Variants in ADAMTS9 observed in about 807,000 individuals in gnomAD.
ADAMTS9 encodes ADAM metallopeptidase with thrombospondin type 1 motif 9, also known as A disintegrin and metalloproteinase with thrombospondin motifs 9.
ADAMTS9 carries 107 observed loss-of-function variants against 257.1 expected under a neutral mutation model. That is an observed-to-expected ratio of 0.42 (90% CI 0.36 to 0.49). The LOEUF (loss-of-function observed/expected upper bound fraction) is 0.49, where lower values mean the gene tolerates loss of function less well. Ranked by LOEUF, ADAMTS9 falls within the 20% of genes least tolerant of loss-of-function variation. ADAMTS9 has a pLI of 0.03. For missense variants in ADAMTS9, 2,353 were observed against 2,469.1 expected (o/e 0.95, Z 1.00); for synonymous variants, 982 against 880.9 (o/e 1.11, Z -2.03).
intron 37 of ADAMTS9, among the ~76,000 whole-genome samples, chr3:64,538,812 T>C (rs910285152): frequency 2.0e-5 from 3 of 152,098 alleles, no homozygotes; most frequent in Non-Finnish European, 2.9e-5. Flanking sequence ...AATTGACAAA[T>C]GTTACAAAGC....
intron 18 of ADAMTS9, among the ~76,000 whole-genome samples, chr3:64,621,785 T>TA (rs201458197): frequency 0.053 from 6,438 of 120,776 alleles, 502 homozygotes; most frequent in African/African-American, 0.21. Flanking sequence ...AATAAAAAAA[T>TA]AAAAAAATAA....
intron 18 of ADAMTS9, 32 bp from the exon 19 acceptor site, chr3:64,621,272 G>T: frequency 6.3e-7 from 1 of 1,592,396 alleles, no homozygotes; most frequent in Middle Eastern, 1.8e-4. Context: ...ATTATTCAGG[G>T]AAAATAATCT....
chr3:64,597,584 G>GT (rs1356889318), intron 26 of ADAMTS9, among the ~76,000 whole-genome samples: 2 of 152,138 alleles, frequency 1.3e-5, no homozygotes, highest in African/African-American at 4.8e-5. Flanking sequence ...GCTAATGGTA[G>GT]TAAGACTTGT....
intron 20 of ADAMTS9, 63 bp from the exon 21 acceptor site, chr3:64,615,548 C>T: frequency 6.7e-7 from 1 of 1,501,284 alleles, no homozygotes; most frequent in Non-Finnish European, 9.0e-7. Context: ...TGCTGAAGAT[C>T]CTGGCTATGT....
intron 39 of ADAMTS9, among the ~76,000 whole-genome samples, chr3:64,517,416 G>GTTTTGTTTTTTTTTTTTTTT (rs2082789292): frequency 1.9e-5 from 1 of 52,638 alleles, no homozygotes; most frequent in African/African-American, 5.3e-5. Flanking sequence ...ATTAAAAATG[G>GTTTTGTTTTTTTTTTTTTTT]TTTTTTTTTT....
intron 31 of ADAMTS9, among the ~76,000 whole-genome samples, chr3:64,548,497 C>T (rs2083229977): frequency 6.6e-6 from 1 of 152,064 alleles, no homozygotes; most frequent in African/African-American, 2.4e-5. Flanking sequence ...GACAACAGTC[C>T]ATACTAACTT....
chr3:64,591,697 C>T (rs2084261594), intron 28 of ADAMTS9, among the ~76,000 whole-genome samples: 1 of 152,090 alleles, frequency 6.6e-6, no homozygotes, highest in Non-Finnish European at 1.5e-5. Context: ...CTAAATACTG[C>T]TCTTTAGTAA....
chr3:64,537,514 C>G (rs1343771867), intron 37 of ADAMTS9, among the ~76,000 whole-genome samples: 1 of 152,208 alleles, frequency 6.6e-6, no homozygotes. Context: ...TATTTTCCTT[C>G]TCTCCTGAGA....
intron 36 of ADAMTS9, among the ~76,000 whole-genome samples, chr3:64,540,162 T>C (rs1414953550): frequency 1.3e-5 from 2 of 152,240 alleles, no homozygotes; most frequent in African/African-American, 4.8e-5. Flanking sequence ...GGGTCTTAGC[T>C]GGGGTGTTTT....
Position 64,644,406 on chromosome 3 carries a change from C to T in ADAMTS9, c.1711-2413G>A, listed in dbSNP as rs80244590. The stretch of plus-strand genomic sequence containing the variant: ...AACTGTGAGCAAAGGGGACAATTTC[C>T]GACATCTAAATAAGGACTGAAGTTT... On this transcript the variant is annotated intron_variant, in intron 11 of 39. Transcript: ENST00000498707. Among the ~76,000 whole-genome samples the T allele has an allele frequency of 7.5e-3, 1,139 of 152,208 alleles. 17 individuals are homozygous for T. Among genetic ancestry groups the T allele is most frequent in the East Asian group, 0.049 (254 of 5,172 alleles).
intron 16 of ADAMTS9, among the ~76,000 whole-genome samples, chr3:64,630,824 C>A (rs2106889185): frequency 6.6e-6 from 1 of 152,174 alleles, no homozygotes; most frequent in East Asian, 1.9e-4. Context: ...CTGGGCTGAG[C>A]AAACTGTTGA....
chr3:64,543,958 TTC>T (rs2083162491), intron 32 of ADAMTS9, among the ~76,000 whole-genome samples: 1 of 152,204 alleles, frequency 6.6e-6, no homozygotes, highest in Non-Finnish European at 1.5e-5. Flanking sequence ...ATCACAAGCA[TTC>T]TTATACACCA....
intron 38 of ADAMTS9, among the ~76,000 whole-genome samples, chr3:64,532,687 A>G (rs1387194922): frequency 6.6e-6 from 1 of 152,070 alleles, no homozygotes; most frequent in Non-Finnish European, 1.5e-5. Context: ...AGGGTGAAAA[A>G]CTTATTATTG....
rs762619107 is a variant in ADAMTS9 at position 64,654,526 on chromosome 3, G to A, written c.1210+46C>T. 4.7e-6 allele frequency: 7 copies of A among 1,477,656 alleles called. No individual in the cohort carries two copies. In the African/African-American group the frequency reaches 2.0e-4, roughly 43 times the overall value. The allele number at this position is 1,477,656 out of a possible 1,614,324, so 91.5% of individuals were successfully genotyped here. ...CAACTGTGGCTTGAAATACAAACAT[G>A]TAGTAAAACGGTTTTAGCCATAGAA... On this transcript the variant is annotated intron_variant, in intron 7 of 39. Coordinates refer to ENST00000498707, the MANE Select transcript of ADAMTS9 (RefSeq NM_182920.2).
At position 64,600,081 on chromosome 3, in the gene ADAMTS9, C is replaced by T. The variant is rs1325594861; in HGVS notation, c.4017+1863G>A. On this transcript the variant is annotated intron_variant, in intron 26 of 39. Transcript: ENST00000498707. ...TTTTTTTTTTTTTTTTGCAAAACTC[C>T]TAATTGCTAACACACCTTGCTCAAG... 7.5e-5 allele frequency among the ~76,000 whole-genome samples: 10 copies of T among 132,894 alleles called. No individual in the cohort carries two copies. The Admixed American group carries it at 7.5e-4, about 10-fold the overall frequency. 87.2% of individuals were successfully genotyped at this position (132,894 alleles called of 152,430 possible). A position where few individuals can be genotyped will look rare whatever the true frequency, so the allele number is the denominator to read the frequency against.
intron 29 of ADAMTS9, among the ~76,000 whole-genome samples, chr3:64,566,746 C>G (rs537580790): frequency 6.6e-6 from 1 of 151,498 alleles, no homozygotes; most frequent in East Asian, 1.9e-4. Flanking sequence ...TAAGTAGAGG[C>G]CAAGGAACAT....
At chr3:64,535,038 A>G (rs1268862907) in intron 37 of ADAMTS9, among the ~76,000 whole-genome samples, 1 of 152,206 alleles carries the variant, frequency 6.6e-6, no homozygotes, top group Non-Finnish European at 1.5e-5. Flanking sequence ...GACAGAAGGC[A>G]CAATGCACGT....
chr3:64,525,567 T>C (rs1427961601), intron 38 of ADAMTS9, among the ~76,000 whole-genome samples: 1 of 152,114 alleles, frequency 6.6e-6, no homozygotes, highest in Non-Finnish European at 1.5e-5. Flanking sequence ...AAAAGGAAGA[T>C]GAATACAAAA....
At chr3:64,631,592 T>C (rs1235566483) in intron 15 of ADAMTS9, 42 bp from the exon 16 acceptor site, 2 of 1,510,494 alleles carry the variant, frequency 1.3e-6, no homozygotes, top group Middle Eastern at 1.7e-4. Context: ...CACAGAATGG[T>C]TCACTTTCTC....
Sources: gnomAD v4.1 joint callset for allele counts (sites outside exome capture counted in the v4.1 genomes callset) on GRCh38, gnomAD v4.1.1 for gene constraint, MANE v1.5 for transcripts, NCBI Gene and HGNC (gene_info 2026-07-23, HGNC 2026-07-21) for gene names.